The following SLC16A14 variants were observed in gnomAD, a reference collection of about 807,000 sequenced individuals.
SLC16A14 encodes monocarboxylate transporter 14.
A neutral mutation model predicts 35.8 loss-of-function variants in SLC16A14; 14 were observed. The ratio of observed to expected loss-of-function variants is 0.39; its 90% CI spans 0.26 to 0.61. SLC16A14 has a LOEUF of 0.61. Among genes scored for constraint, SLC16A14 ranks in the 20% least tolerant of loss-of-function variants. The pLI is 0.51. For missense variants in SLC16A14, 533 were observed against 655.0 expected (o/e 0.81, Z 2.03); for synonymous variants, 248 against 258.9 (o/e 0.96, Z 0.40).
chr2:230,055,209 T>C, intron 2 of SLC16A14, among the ~76,000 whole-genome samples: 1 of 152,090 alleles, frequency 6.6e-6, no homozygotes, highest in East Asian at 1.9e-4. Flanking sequence ...CCTCCAGTGT[T>C]GTAGGATCAA....
In SLC16A14 at chr2:230,037,211, C is replaced by A; in HGVS notation, c.*169G>T. ...TCTTCCAGCATTACATCTCCCCAAA[C>A]AGAGAGGCAGTGCTGCTTACAAATG... On this transcript the variant is annotated 3_prime_UTR_variant, in exon 5 of 5. Transcript: ENST00000295190. 1 of 510,726 alleles carries A rather than the reference C, an allele frequency of 2.0e-6. No individual in the cohort carries two copies. Among genetic ancestry groups the A allele is most frequent in the Non-Finnish European group, 3.4e-6 (1 of 293,626 alleles). The allele number at this position is 510,726 out of a possible 1,614,324, so 31.6% of individuals were successfully genotyped here.
At chr2:230,058,453 T>C (rs1219386834) in intron 2 of SLC16A14, 2 of 152,104 alleles carry the variant, frequency 1.3e-5, no homozygotes, top group South Asian at 2.1e-4. Flanking sequence ...GTCAAATTCA[T>C]AGAGACAGAC....
rs2077510212 is a variant in SLC16A14 at position 230,034,995 on chromosome 2, A to G, written c.*2385T>C. The G allele has an allele frequency of 6.6e-6, 1 of 152,244 alleles. No individual in the cohort carries two copies. The highest frequency in any genetic ancestry group is 2.4e-5 in the African/African-American group (1 of 41,460). 9.4% of individuals were successfully genotyped at this position (152,244 alleles called of 1,614,324 possible). A position where few individuals can be genotyped will look rare whatever the true frequency, so the allele number is the denominator to read the frequency against. On this transcript the variant is annotated 3_prime_UTR_variant, in exon 5 of 5. Coordinates refer to ENST00000295190, the MANE Select transcript of SLC16A14 (RefSeq NM_152527.5). The stretch of plus-strand genomic sequence containing the variant: ...TCACTGACCGTCTTCAAAGAGGACA[A>G]CATTTATTTAGTTGTATGTAAATAA...
rs2077521081 is a variant in SLC16A14 at position 230,036,552 on chromosome 2, T to C, written c.*828A>G. ...TGGGCAGAAGAAACTCAGAAAAAAA[T>C]ATTACAGGCCCCACCTCATGCTTAT... On this transcript the variant is annotated 3_prime_UTR_variant, in exon 5 of 5. Transcript: ENST00000295190. The C allele has an allele frequency of 6.6e-6, 1 of 152,180 alleles. No homozygotes were observed. The highest frequency in any genetic ancestry group is 2.4e-5 in the African/African-American group (1 of 41,450). The allele number at this position is 152,180 out of a possible 1,614,324, so 9.4% of individuals were successfully genotyped here.
rs369680395 is a variant in SLC16A14, at chr2:230,059,366, T to C, written c.-14A>G. 6.5e-7 allele frequency: 1 copy of C among 1,544,194 alleles called. No homozygotes were observed. ...ACTGGTATACATTTTCCAAGATTTT[T>C]CTGAAATACATATAACAAATAATTT... On this transcript the variant is annotated splice_region_variant and 5_prime_UTR_variant, in exon 2 of 5. Coordinates refer to ENST00000295190, the MANE Select transcript of SLC16A14 (RefSeq NM_152527.5).
intron 4 of SLC16A14, among the ~76,000 whole-genome samples, chr2:230,044,424 G>A (rs2077584230): frequency 6.6e-6 from 1 of 150,498 alleles, no homozygotes; most frequent in African/African-American, 2.5e-5. Context: ...GTTGCGTTAA[G>A]CTGAGATCAC....
intron 2 of SLC16A14, among the ~76,000 whole-genome samples, chr2:230,052,914 C>G (rs193250720): frequency 6.1e-4 from 92 of 149,624 alleles, no homozygotes; most frequent in African/African-American, 2.0e-3. Context: ...CTCCTCCCCC[C>G]CTTCCTTCCC....
Position 230,045,775 on chromosome 2 carries a change from T to G in SLC16A14, c.1351A>C (p.Ile451Leu). ...AYGIIICANG[I>L]SALLGPPFAG... ...AAAGGTGGTCCCAGCAATGCAGAGA[T>G]GCCATTAGCACAGATGATGATGCCG... The change falls in exon 4 of 5, where the codon ATC becomes CTC. Residue 451 changes from isoleucine (I) to leucine (L), a missense_variant. Transcript: ENST00000295190. 6.2e-7 allele frequency: 1 copy of G among 1,614,206 alleles called. No individual in the cohort carries two copies. The highest frequency in any genetic ancestry group is 8.5e-7 in the Non-Finnish European group (1 of 1,180,046).
At chr2:230,063,106 G>A (rs1177342779) in intron 1 of SLC16A14, among the ~76,000 whole-genome samples, 2 of 151,940 alleles carry the variant, frequency 1.3e-5, no homozygotes, top group East Asian at 3.9e-4. Flanking sequence ...TGGCCAACAT[G>A]GTAAACCCCG....
At position 230,059,289 on chromosome 2, in the gene SLC16A14, G is replaced by T. The variant is rs193136097; in HGVS notation, c.64C>A (p.Leu22Met). 7 of 1,613,198 alleles carry T rather than the reference G, an allele frequency of 4.3e-6. No individual in the cohort carries two copies. Among genetic ancestry groups the T allele is most frequent in the Non-Finnish European group, 5.9e-6 (7 of 1,179,410 alleles). The part of the protein sequence containing the change: ...FEDGPKDKKT[L>M]KPHPNIDGGW... ...CCATCAATGTTTGGGTGGGGCTTCAGTGTCTTTTTGTCTTTGGGGCCATCT... is the reference window on the plus strand; with the variant it reads ...CCATCAATGTTTGGGTGGGGCTTCATTGTCTTTTTGTCTTTGGGGCCATCT... The change falls in exon 2 of 5, where the codon CTG becomes ATG. Residue 22 changes from leucine to methionine, a missense_variant. By Grantham distance (15) the Leu-to-Met change is conservative. Coordinates refer to ENST00000295190, the MANE Select transcript of SLC16A14 (RefSeq NM_152527.5).
At chr2:230,052,443 G>C (rs2077669088) in intron 2 of SLC16A14, among the ~76,000 whole-genome samples, 1 of 151,972 alleles carries the variant, frequency 6.6e-6, no homozygotes, top group African/African-American at 2.4e-5. Flanking sequence ...TGCCTAGCTT[G>C]GATGAGTGGG....
At chr2:230,067,553 T>TCC (rs1435110338) in intron 1 of SLC16A14, among the ~76,000 whole-genome samples, 8 of 145,436 alleles carry the variant, frequency 5.5e-5, no homozygotes, top group Non-Finnish European at 1.2e-4. Flanking sequence ...TCTCTCTCTC[T>TCC]CTCTCTCTCT....
Position 230,049,840 on chromosome 2 carries a change from G to A in SLC16A14, c.324C>T (p.Leu108=), listed in dbSNP as rs139923489. 955 of 1,614,158 alleles carry A rather than the reference G, an allele frequency of 5.9e-4. 5 individuals carry two copies. The African/African-American group carries it at 8.0e-3, about 14-fold the overall frequency. Residue 108 remains leucine (L), a synonymous_variant, in exon 3 of 5, where the codon CTC becomes CTT. Coordinates refer to ENST00000295190, the MANE Select transcript of SLC16A14 (RefSeq NM_152527.5). The stretch of plus-strand genomic sequence containing the variant: ...TCAACACCCAGCCCAGGGAGTTGAC[G>A]AGCCCTCCAATGATCGCAGTCTGGC... ...GCRQTAIIGG[L]VNSLGWVLSA...
At chr2:230,066,255 G>T (rs1181602029) in intron 1 of SLC16A14, among the ~76,000 whole-genome samples, 1 of 152,012 alleles carries the variant, frequency 6.6e-6, no homozygotes, top group African/African-American at 2.4e-5. Context: ...AGTGAGCTGA[G>T]ATGGTGCCAC....
intron 1 of SLC16A14, among the ~76,000 whole-genome samples, chr2:230,063,026 G>A: frequency 1.3e-5 from 2 of 152,210 alleles, no homozygotes; most frequent in Middle Eastern, 3.4e-3. Flanking sequence ...AGTGGTTCAA[G>A]CCTGTAATCC....
rs147421932 is a variant in SLC16A14, at chr2:230,061,994, G to A, written c.-14-2628C>T. Among the ~76,000 whole-genome samples, 99 of 152,158 alleles carry A rather than the reference G, an allele frequency of 6.5e-4. 1 individual carries two copies. Among genetic ancestry groups the A allele is most frequent in the African/African-American group, 2.0e-3 (82 of 41,522 alleles). ...TGACCTCAAGTGATCCTCCTGCCTC[G>A]GCTTTCAAAGTGCTGGGATTACAGG... On this transcript the variant is annotated intron_variant, in intron 1 of 4. Transcript: ENST00000295190.
intron 4 of SLC16A14, among the ~76,000 whole-genome samples, chr2:230,044,379 G>A (rs1246806514): frequency 1.3e-5 from 2 of 151,668 alleles, no homozygotes; most frequent in Non-Finnish European, 2.9e-5. Context: ...TCAGGAGGCT[G>A]AGGCAGGATA....
Position 230,049,748 on chromosome 2 carries a change from G to A in SLC16A14, c.403+13C>T, listed in dbSNP as rs2077642401. On this transcript the variant is annotated intron_variant, in intron 3 of 4. Transcript: ENST00000295190. ...ACATTTAAAATCGAGTTTAAAAAAA[G>A]CCACATGCTTACCAGCTGCGACTCC... 1 of 1,610,116 alleles carries A rather than the reference G, an allele frequency of 6.2e-7. No individual in the cohort carries two copies. The highest frequency in any genetic ancestry group is 8.5e-7 in the Non-Finnish European group (1 of 1,177,382).
At chr2:230,061,054 A>G (rs534477178) in intron 1 of SLC16A14, among the ~76,000 whole-genome samples, 27 of 152,346 alleles carry the variant, frequency 1.8e-4, no homozygotes, top group African/African-American at 6.5e-4. Context: ...CCAAAGGTCA[A>G]GTTGAGCCCT....
Sources: allele counts gnomAD v4.1 joint callset (sites outside exome capture counted in the v4.1 genomes callset), GRCh38; gene constraint gnomAD v4.1.1; transcripts MANE v1.5; gene names NCBI Gene and HGNC (gene_info 2026-07-23, HGNC 2026-07-21).